Variants in TFAP2B observed in about 807,000 individuals in gnomAD.
TFAP2B encodes transcription factor AP-2 beta, also known as transcription factor AP-2-beta.
TFAP2B carries 9 observed loss-of-function variants against 44.3 expected under a neutral mutation model. The observed-to-expected ratio is 0.20, with a 90% CI of 0.12 to 0.35. TFAP2B has a LOEUF of 0.35. Ranked by LOEUF, TFAP2B falls within the 10% of genes least tolerant of loss-of-function variation. The pLI, the probability that TFAP2B is intolerant of heterozygous loss-of-function variation, is 1.00. For synonymous variants in TFAP2B, 270 were observed against 263.8 expected (o/e 1.02, Z -0.23); for missense variants, 509 against 600.0 (o/e 0.85, Z 1.59).
rs1762782178 is a variant in TFAP2B, at chr6:50,843,676, A to G, written c.*284A>G. 2.9e-6 allele frequency: 1 copy of G among 345,428 alleles called. No individual in the cohort carries two copies. Among genetic ancestry groups the G allele is most frequent in the Non-Finnish European group, 5.2e-6 (1 of 192,600 alleles). The allele number at this position is 345,428 out of a possible 1,614,324, so 21.4% of individuals were successfully genotyped here. On this transcript the variant is annotated 3_prime_UTR_variant, in exon 7 of 7. Coordinates refer to ENST00000393655, the MANE Select transcript of TFAP2B (RefSeq NM_003221.4). ...TTTCGAGTTTAGTAATACTGATAATAAAAGAAAACCATGATTTCCCCTTCC... is the reference window on the plus strand; with the variant it reads ...TTTCGAGTTTAGTAATACTGATAATGAAAGAAAACCATGATTTCCCCTTCC...
intron 2 of TFAP2B, among the ~76,000 whole-genome samples, chr6:50,825,472 C>G (rs1015750421): frequency 2.6e-5 from 4 of 151,898 alleles, no homozygotes; most frequent in Admixed American, 2.6e-4. Flanking sequence ...GTGACTCTAG[C>G]GAAGGAACTC....
At chr6:50,837,326 A>C (rs1012615318) in intron 4 of TFAP2B, among the ~76,000 whole-genome samples, 2 of 152,284 alleles carry the variant, frequency 1.3e-5, no homozygotes, top group African/African-American at 4.8e-5. Context: ...TGAGCCTCAG[A>C]GTGTGGAAGT....
At chr6:50,818,376 G>A (rs1229844183), upstream of TFAP2B, among the ~76,000 whole-genome samples, 1 of 152,030 alleles carries the variant, frequency 6.6e-6, no homozygotes, top group East Asian at 1.9e-4. Context: ...GAACATACAT[G>A]AATAGGAGGG....
intron 3 of TFAP2B, among the ~76,000 whole-genome samples, chr6:50,833,977 A>G (rs556541767): frequency 6.6e-6 from 1 of 152,200 alleles, no homozygotes; most frequent in Admixed American, 6.5e-5. Context: ...AATTCATATC[A>G]TGTTAAAATT....
At position 50,823,471 on chromosome 6, in the gene TFAP2B, G is replaced by T. The variant is rs369015414; in HGVS notation, c.146G>T (p.Gly49Val). 3.1e-6 allele frequency: 5 copies of T among 1,611,760 alleles called. No individual in the cohort carries two copies. The African/African-American group carries it at 5.4e-5, about 17-fold the overall frequency. Residue 49 changes from glycine (G) to valine (V), a missense_variant, in exon 2 of 7, where the codon GGA becomes GTA. Transcript: ENST00000393655. ...TCCCAGCTGGGCTCGGTGTCCCAAG[G>T]ACCCTACTCGAGCGCCCCGCCGCTG... ...RLSQLGSVSQGPYSSAPPLSH... is the reference protein window; with the variant it reads ...RLSQLGSVSQVPYSSAPPLSH...
At chr6:50,837,635 C>T (rs113861259) in intron 4 of TFAP2B, among the ~76,000 whole-genome samples, 2 of 152,170 alleles carry the variant, frequency 1.3e-5, no homozygotes, top group African/African-American at 2.4e-5. Context: ...TTTCTGCTCA[C>T]CTCACTAACT....
rs1479648612 is a variant in TFAP2B at position 50,845,310 on chromosome 6, G to A, written c.*1918G>A. ...TTTTGCCCCCCTCCCGCTTTGCCTT[G>A]GTGGGGGTGGGGATTGGGGGAGTGG... On this transcript the variant is annotated 3_prime_UTR_variant, in exon 7 of 7. Coordinates refer to ENST00000393655, the MANE Select transcript of TFAP2B (RefSeq NM_003221.4). 1 of 152,156 alleles carries A rather than the reference G, an allele frequency of 6.6e-6. No homozygotes were observed. Among genetic ancestry groups the A allele is most frequent in the East Asian group, 1.9e-4 (1 of 5,190 alleles). 9.4% of individuals were successfully genotyped at this position (152,156 alleles called of 1,614,324 possible). A position where few individuals can be genotyped will look rare whatever the true frequency, so the allele number is the denominator to read the frequency against.
intron 6 of TFAP2B, among the ~76,000 whole-genome samples, chr6:50,840,741 T>A (rs1485491536): frequency 6.6e-6 from 1 of 152,262 alleles, no homozygotes; most frequent in Non-Finnish European, 1.5e-5. Flanking sequence ...CCAACGTTGC[T>A]GTTTGTCATC....
chr6:50,825,236 T>C (rs1770470283), intron 2 of TFAP2B, among the ~76,000 whole-genome samples: 1 of 152,216 alleles, frequency 6.6e-6, no homozygotes, highest in Non-Finnish European at 1.5e-5. Context: ...AGCTTGACTG[T>C]TCCTGGCTAG....
intron 4 of TFAP2B, among the ~76,000 whole-genome samples, chr6:50,836,660 G>GC (rs1218876783): frequency 1.9e-4 from 29 of 150,362 alleles, no homozygotes; most frequent in African/African-American, 6.1e-4. Context: ...CAGCCCCCCA[G>GC]CCCCCCCACA....
chr6:50,826,834 C>G (rs965600001), intron 2 of TFAP2B, among the ~76,000 whole-genome samples: 14 of 152,134 alleles, frequency 9.2e-5, no homozygotes, highest in African/African-American at 3.4e-4. Flanking sequence ...CAAACACACC[C>G]GAGTGTCTTA....
rs547811535 is a variant in TFAP2B, at chr6:50,824,739, A to G, written c.540+874A>G. Among the ~76,000 whole-genome samples the G allele has an allele frequency of 3.9e-5, 6 of 152,240 alleles. No homozygotes were observed. In the East Asian group the frequency reaches 1.2e-3, roughly 29 times the overall value. On this transcript the variant is annotated intron_variant, in intron 2 of 6. Coordinates refer to ENST00000393655, the MANE Select transcript of TFAP2B (RefSeq NM_003221.4). ...ACTCCCCCTACCCACCCACTATCCC[A>G]TCTGCAGTCTACACAATGGAGCCTG...
Position 50,847,064 on chromosome 6 carries a change from A to G in TFAP2B, c.*3672A>G, listed in dbSNP as rs1762864678. On this transcript the variant is annotated 3_prime_UTR_variant, in exon 7 of 7. Coordinates refer to ENST00000393655, the MANE Select transcript of TFAP2B (RefSeq NM_003221.4). ...GTGTTTATAGAGAATTTGTCATCAC[A>G]TCTGATATCCTGTACTTGTAATACA... 6.6e-6 allele frequency: 1 copy of G among 152,644 alleles called. No homozygotes were observed. The highest frequency in any genetic ancestry group is 1.5e-5 in the Non-Finnish European group (1 of 68,048). 9.5% of individuals were successfully genotyped at this position (152,644 alleles called of 1,614,324 possible). A position where few individuals can be genotyped will look rare whatever the true frequency, so the allele number is the denominator to read the frequency against.
Position 50,844,561 on chromosome 6 carries a change from C to A in TFAP2B, c.*1169C>A, listed in dbSNP as rs1762802241. 6.6e-6 allele frequency: 1 copy of A among 152,602 alleles called. No homozygotes were observed. The highest frequency in any genetic ancestry group is 2.4e-5 in the African/African-American group (1 of 41,436). The allele number at this position is 152,602 out of a possible 1,614,324, so 9.5% of individuals were successfully genotyped here. ...TCAAAGGGAATAATTTAGAAAGTGG[C>A]CAATATGATGGAAGCAGCTTTGAAT... is the stretch of plus-strand genomic sequence containing the variant. On this transcript the variant is annotated 3_prime_UTR_variant, in exon 7 of 7. Transcript: ENST00000393655.
intron 3 of TFAP2B, 80 bp from the exon 4 acceptor site, chr6:50,835,981 C>G: frequency 8.6e-7 from 1 of 1,159,948 alleles, no homozygotes; most frequent in South Asian, 1.2e-5. Flanking sequence ...CCTGTGGCCT[C>G]ACACAGAGAC....
chr6:50,822,757 A>C (rs1581808166), intron 1 of TFAP2B, among the ~76,000 whole-genome samples: 2 of 152,318 alleles, frequency 1.3e-5, no homozygotes, highest in East Asian at 3.9e-4. Flanking sequence ...ATTTCAATGA[A>C]ACACTATTTA....
intron 2 of TFAP2B, among the ~76,000 whole-genome samples, chr6:50,826,582 C>T (rs1445848323): frequency 2.1e-5 from 3 of 145,420 alleles, no homozygotes; most frequent in African/African-American, 7.8e-5. Context: ...CGCGCGCGCG[C>T]GCGCGTGTGT....
intron 3 of TFAP2B, among the ~76,000 whole-genome samples, chr6:50,829,113 T>C (rs1770605496): frequency 6.6e-6 from 1 of 152,228 alleles, no homozygotes; most frequent in African/African-American, 2.4e-5. Flanking sequence ...TTGGTGATAA[T>C]TTTGTTCCCA....
chr6:50,840,390 G>A, intron 6 of TFAP2B, 93 bp downstream of exon 6: 3 of 1,511,436 alleles, frequency 2.0e-6, no homozygotes, highest in Non-Finnish European at 2.7e-6. Flanking sequence ...AGAGAAAGAA[G>A]CCAGAGGGTT....
Sources: allele counts gnomAD v4.1 joint callset (sites outside exome capture counted in the v4.1 genomes callset), GRCh38; gene constraint gnomAD v4.1.1; transcripts MANE v1.5; gene names NCBI Gene and HGNC (gene_info 2026-07-23, HGNC 2026-07-21).